The following TMEM232 variants were observed in gnomAD, a reference collection of about 807,000 sequenced individuals.
TMEM232 encodes the protein transmembrane protein 232.
In TMEM232, 80 loss-of-function variants were observed where a neutral mutation model predicts 78.8. The ratio of observed to expected loss-of-function variants is 1.01; its 90% CI spans 0.85 to 1.22. The LOEUF is 1.22. TMEM232 is among the 50% of genes most tolerant of loss of function. The probability of loss-of-function intolerance (pLI) is 0.00; values close to 1 mark genes in which losing one functional copy is unlikely to be tolerated. For synonymous variants in TMEM232, 297 were observed against 254.3 expected (o/e 1.17, Z -1.60); for missense variants, 881 against 742.2 (o/e 1.19, Z -2.17).
At position 110,528,678 on chromosome 5, in the gene TMEM232, A is replaced by G. The variant is rs1384198454; in HGVS notation, c.1613T>C (p.Leu538Ser). 2.6e-6 allele frequency: 4 copies of G among 1,535,078 alleles called. No homozygotes were observed. The African/African-American group carries it at 5.5e-5, about 21-fold the overall frequency. ...ATCCTTTTTTATTGATGGTTTCTTC[A>G]AAGGAAGAAAATGGGCCTCAATGGG... is the stretch of plus-strand genomic sequence containing the variant. Reference protein sequence around the residue: ...FPPIEAHFLPLKKPSIKKDQT... With the variant: ...FPPIEAHFLPSKKPSIKKDQT... Residue 538 changes from leucine to serine, a missense_variant, in exon 12 of 14, where the codon TTG becomes TCG. Transcript: ENST00000455884.
intron 2 of TMEM232, among the ~76,000 whole-genome samples, chr5:110,645,486 G>A (rs1342204150): frequency 1.4e-5 from 2 of 145,200 alleles, no homozygotes; most frequent in Non-Finnish European, 1.5e-5. Flanking sequence ...ACTCAACAGA[G>A]AAAAAAACAT....
chr5:110,444,430 A>G (rs999856506), intron 12 of TMEM232, among the ~76,000 whole-genome samples: 1 of 151,738 alleles, frequency 6.6e-6, no homozygotes, highest in African/African-American at 2.4e-5. Flanking sequence ...CCATGTAGCC[A>G]CAGCTGGGGG....
At chr5:110,663,034 A>T (rs2150111530) in intron 2 of TMEM232, among the ~76,000 whole-genome samples, 1 of 152,244 alleles carries the variant, frequency 6.6e-6, no homozygotes, top group East Asian at 1.9e-4. Context: ...CTGACCCAGC[A>T]ATTCCACTCA....
At chr5:110,567,638 G>A (rs757615575) in intron 11 of TMEM232, among the ~76,000 whole-genome samples, 8 of 151,910 alleles carry the variant, frequency 5.3e-5, no homozygotes, top group Admixed American at 2.6e-4. Flanking sequence ...AGGCTGAGAG[G>A]AGAGGGAAGA....
intron 5 of TMEM232, among the ~76,000 whole-genome samples, chr5:110,629,609 C>T (rs951281033): frequency 2.0e-5 from 3 of 152,060 alleles, no homozygotes; most frequent in Non-Finnish European, 4.4e-5. Context: ...TTCCTTCATT[C>T]GACCTTTACC....
At chr5:110,466,890 T>G (rs571870591) in intron 12 of TMEM232, among the ~76,000 whole-genome samples, 3 of 135,954 alleles carry the variant, frequency 2.2e-5, no homozygotes, top group Non-Finnish European at 4.5e-5. Context: ...TTGCTTGAAC[T>G]ATAGTATTTG....
chr5:110,507,777 T>C (rs1011628234), intron 12 of TMEM232, among the ~76,000 whole-genome samples: 1 of 152,190 alleles, frequency 6.6e-6, no homozygotes, highest in Non-Finnish European at 1.5e-5. Context: ...TTTGAGAACT[T>C]GTGAGGATGA....
upstream of TMEM232, among the ~76,000 whole-genome samples, chr5:110,731,025 A>T (rs1798629216): frequency 6.6e-6 from 1 of 152,246 alleles, no homozygotes; most frequent in Non-Finnish European, 1.5e-5. Flanking sequence ...CTTCCTAGAT[A>T]CAAAGGGGGT....
intron 7 of TMEM232, among the ~76,000 whole-genome samples, chr5:110,624,908 A>G (rs531019747): frequency 1.3e-5 from 2 of 152,216 alleles, no homozygotes; most frequent in East Asian, 3.9e-4. Flanking sequence ...AGAAAAACAA[A>G]TTTTCTATTT....
At chr5:110,437,864 C>T (rs922349331) in intron 12 of TMEM232, among the ~76,000 whole-genome samples, 3 of 152,082 alleles carry the variant, frequency 2.0e-5, no homozygotes, top group Admixed American at 6.6e-5. Context: ...GGGCTTGCTT[C>T]TTGTACCTAG....
chr5:110,505,346 T>C (rs1366914886), intron 12 of TMEM232, among the ~76,000 whole-genome samples: 1 of 152,112 alleles, frequency 6.6e-6, no homozygotes, highest in Non-Finnish European at 1.5e-5. Context: ...TCCCCAGCTT[T>C]TAGCCTAAGA....
In TMEM232 at chr5:110,545,901, A is replaced by G. The variant is rs1443348784; in HGVS notation, c.1456-17066T>C. Among the ~76,000 whole-genome samples, 3 of 152,278 alleles carry G rather than the reference A, an allele frequency of 2.0e-5. No homozygotes were observed. In the East Asian group the frequency reaches 5.8e-4, roughly 29 times the overall value. On this transcript the variant is annotated intron_variant, in intron 11 of 13. Coordinates refer to ENST00000455884, the MANE Select transcript of TMEM232 (RefSeq NM_001039763.4). ...GCATATGCTGCTGAATTGCCTATAC[A>G]GAAAAACCTTGCTCATTGCAAGTCT...
intron 10 of TMEM232, among the ~76,000 whole-genome samples, chr5:110,594,024 G>A (rs192333553): frequency 7.8e-4 from 119 of 152,036 alleles, no homozygotes; most frequent in African/African-American, 2.8e-3. Flanking sequence ...CAAGATGGCC[G>A]AATAGGAACA....
intron 2 of TMEM232, among the ~76,000 whole-genome samples, chr5:110,643,376 A>G (rs1254126977): frequency 6.6e-6 from 1 of 152,092 alleles, no homozygotes; most frequent in Non-Finnish European, 1.5e-5. Flanking sequence ...TCGAGTCATC[A>G]GCATAGATAT....
At chr5:110,586,735 G>A (rs1250368557) in intron 10 of TMEM232, among the ~76,000 whole-genome samples, 1 of 152,030 alleles carries the variant, frequency 6.6e-6, no homozygotes, top group Non-Finnish European at 1.5e-5. Flanking sequence ...AAACAGCACA[G>A]CAAGGGAAGA....
chr5:110,681,287 T>C (rs540800102), intron 1 of TMEM232, among the ~76,000 whole-genome samples: 234 of 152,254 alleles, frequency 1.5e-3, no homozygotes, highest in African/African-American at 5.5e-3. Context: ...GGGAGGAATG[T>C]AAACAGCCAC....
chr5:110,615,721 T>C (rs1254066970), intron 8 of TMEM232, among the ~76,000 whole-genome samples: 10 of 151,984 alleles, frequency 6.6e-5, no homozygotes, highest in South Asian at 6.2e-4. Flanking sequence ...AATGATCTTA[T>C]ATATAGAAAA....
chr5:110,472,704 T>C (rs1471848035), intron 12 of TMEM232, among the ~76,000 whole-genome samples: 4 of 151,890 alleles, frequency 2.6e-5, no homozygotes, highest in South Asian at 2.1e-4. Context: ...AAAAAAAGCA[T>C]GGTGTTGACA....
rs1786212199 is a variant in TMEM232, at chr5:110,638,497, C to T, written c.344-142G>A. ...TATATTTACAAATTCTCTTTGACAC[C>T]TTTCTCATCAAGAGGTGATGTCTAT... On this transcript the variant is annotated intron_variant, in intron 4 of 13. Coordinates refer to ENST00000455884, the MANE Select transcript of TMEM232 (RefSeq NM_001039763.4). The T allele has an allele frequency of 6.1e-6, 5 of 813,408 alleles. No homozygotes were observed. In the South Asian group the frequency reaches 9.8e-5, roughly 16 times the overall value. The allele number at this position is 813,408 out of a possible 1,614,324, so 50.4% of individuals were successfully genotyped here. A position where few individuals can be genotyped will look rare whatever the true frequency, so the allele number is the denominator to read the frequency against.
Sources: gnomAD v4.1 joint callset for allele counts (sites outside exome capture counted in the v4.1 genomes callset) on GRCh38, gnomAD v4.1.1 for gene constraint, MANE v1.5 for transcripts, NCBI Gene and HGNC (gene_info 2026-07-23, HGNC 2026-07-21) for gene names.